The following PAPPA variants were observed in gnomAD, a reference collection of about 807,000 sequenced individuals.
PAPPA encodes pappalysin-1.
A neutral mutation model predicts 164.0 loss-of-function variants in PAPPA; 60 were observed. The observed-to-expected ratio is 0.37, with a 90% CI of 0.30 to 0.45. PAPPA has a LOEUF of 0.45. PAPPA is among the 20% of genes least tolerant of loss of function. The pLI is 1.00. For synonymous variants in PAPPA, 875 were observed against 814.1 expected (o/e 1.07, Z -1.27); for missense variants, 1,782 against 2,087.3 (o/e 0.85, Z 2.85).
At position 116,359,832 on chromosome 9, in the gene PAPPA, ATT is replaced by A. The variant is rs1846400713; in HGVS notation, c.4348-2759_4348-2758del. Among the ~76,000 whole-genome samples the A allele has an allele frequency of 2.6e-5, 4 of 152,228 alleles. 1 individual carries two copies. The highest frequency in any genetic ancestry group is 2.6e-4 in the Admixed American group (4 of 15,286). On this transcript the variant is annotated intron_variant, in intron 17 of 21. Transcript: ENST00000328252. ...AGATGGAGCTAGAAATGTCATCTGG[ATT>A]CCATTGTAGAAGCCCTGAAGTGCCA...
In PAPPA at chr9:116,382,461, G is replaced by A; in HGVS notation, c.4744G>A (p.Asp1582Asn). The change falls in exon 21 of 22, where the codon GAT (aspartate) becomes AAT (asparagine). Residue 1582 changes from aspartate (D) to asparagine (N), a missense_variant. Coordinates refer to ENST00000328252, the MANE Select transcript of PAPPA (RefSeq NM_002581.5). The part of the protein sequence containing the change: ...NRAFCNYDGG[D>N]CCTSTVKTKK... The stretch of plus-strand genomic sequence containing the variant: ...AGCCTTTTGCAACTATGACGGTGGG[G>A]ATTGCTGCACCTCCACAGTGAAGAC... 1 of 1,613,686 alleles carries A rather than the reference G, an allele frequency of 6.2e-7. No homozygotes were observed. Among genetic ancestry groups the A allele is most frequent in the Non-Finnish European group, 8.5e-7 (1 of 1,179,680 alleles).
At chr9:116,365,081 T>G (rs1846481901) in intron 18 of PAPPA, among the ~76,000 whole-genome samples, 1 of 152,108 alleles carries the variant, frequency 6.6e-6, no homozygotes, top group African/African-American at 2.4e-5. Flanking sequence ...CTCGCTTTCC[T>G]CCAAATGCGC....
intron 9 of PAPPA, among the ~76,000 whole-genome samples, chr9:116,274,097 G>T (rs1845168776): frequency 6.8e-6 from 1 of 148,118 alleles, no homozygotes; most frequent in African/African-American, 2.5e-5. Flanking sequence ...AAAAAAAAAA[G>T]ATAGCTCCTG....
At chr9:116,227,370 T>G in intron 5 of PAPPA, 61 bp from the exon 6 acceptor site, 2 of 1,583,966 alleles carry the variant, frequency 1.3e-6, no homozygotes, top group South Asian at 2.2e-5. Flanking sequence ...CCTAGTCCCA[T>G]CAGTTGCTCA....
chr9:116,298,793 C>A (rs2118883022), intron 9 of PAPPA, among the ~76,000 whole-genome samples: 1 of 152,226 alleles, frequency 6.6e-6, no homozygotes, highest in South Asian at 2.1e-4. Flanking sequence ...CTTAGTATCC[C>A]TCACAGTGAA....
chr9:116,177,765 G>A (rs1843854394), intron 1 of PAPPA, among the ~76,000 whole-genome samples: 1 of 152,170 alleles, frequency 6.6e-6, no homozygotes, highest in African/African-American at 2.4e-5. Context: ...CCCAACATCA[G>A]CCCTCCTTAG....
At chr9:116,158,009 G>A (rs1843623553) in intron 1 of PAPPA, among the ~76,000 whole-genome samples, 2 of 152,106 alleles carry the variant, frequency 1.3e-5, no homozygotes, top group Admixed American at 6.6e-5. Flanking sequence ...TGACCTGTTA[G>A]ATAAGTGAAA....
At chr9:116,157,852 C>T (rs554307609) in intron 1 of PAPPA, among the ~76,000 whole-genome samples, 5 of 152,160 alleles carry the variant, frequency 3.3e-5, no homozygotes, top group Non-Finnish European at 7.3e-5. Flanking sequence ...TTGTACCACA[C>T]CAGGCAGGAG....
chr9:116,377,612 C>T lies in PAPPA; in HGVS notation c.4642C>T (p.His1548Tyr). Reference sequence around the variant, plus strand: ...CACTGCTGGTCTCAAGTGGTATCCTCACCCTGCTCTGATTCACTGTGTCAA... The same window carrying T: ...CACTGCTGGTCTCAAGTGGTATCCTTACCCTGCTCTGATTCACTGTGTCAA... ...VCTAGLKWYP[H>Y]PALIHCVKGC... is the part of the protein sequence containing the mutation. Residue 1548 changes from histidine (H) to tyrosine (Y), a missense_variant, in exon 20 of 22, where the codon CAC becomes TAC. His to Tyr is a moderately conservative substitution (Grantham distance 83). Coordinates refer to ENST00000328252, the MANE Select transcript of PAPPA (RefSeq NM_002581.5). 1 of 1,613,920 alleles carries T rather than the reference C, an allele frequency of 6.2e-7. No individual in the cohort carries two copies. Among genetic ancestry groups the T allele is most frequent in the Non-Finnish European group, 8.5e-7 (1 of 1,179,816 alleles).
At chr9:116,372,907 G>A (rs1461829996) in intron 19 of PAPPA, among the ~76,000 whole-genome samples, 1 of 152,194 alleles carries the variant, frequency 6.6e-6, no homozygotes, top group Non-Finnish European at 1.5e-5. Context: ...GGCTCAAAGA[G>A]GTTGTCATTG....
chr9:116,298,338 T>G (rs1431130040), intron 9 of PAPPA, among the ~76,000 whole-genome samples: 1 of 152,232 alleles, frequency 6.6e-6, no homozygotes, highest in African/African-American at 2.4e-5. Context: ...GAAAAGAAAG[T>G]TTCTGGCATA....
chr9:116,225,435 T>C (rs1844494351), intron 5 of PAPPA, among the ~76,000 whole-genome samples: 1 of 152,252 alleles, frequency 6.6e-6, no homozygotes, highest in South Asian at 2.1e-4. Context: ...TCAATCATCC[T>C]ATATTCCATT....
At chr9:116,364,622 A>G (rs924976482) in intron 18 of PAPPA, among the ~76,000 whole-genome samples, 1 of 152,186 alleles carries the variant, frequency 6.6e-6, no homozygotes, top group Non-Finnish European at 1.5e-5. Flanking sequence ...GTCCCAAAAC[A>G]TATCAAACAC....
chr9:116,341,251 G>C (rs1210961233), intron 13 of PAPPA, among the ~76,000 whole-genome samples: 1 of 152,000 alleles, frequency 6.6e-6, no homozygotes, highest in Non-Finnish European at 1.5e-5. Context: ...ATGGTGGCCA[G>C]GCTGGTCTTG....
At chr9:116,171,941 A>G (rs1306278451) in intron 1 of PAPPA, among the ~76,000 whole-genome samples, 1 of 152,210 alleles carries the variant, frequency 6.6e-6, no homozygotes, top group African/African-American at 2.4e-5. Flanking sequence ...TCACATGATA[A>G]TCATGCAGCT....
chr9:116,348,575 T>G (rs2118984637), intron 15 of PAPPA, among the ~76,000 whole-genome samples: 1 of 152,236 alleles, frequency 6.6e-6, no homozygotes, highest in South Asian at 2.1e-4. Context: ...AGGTTCATTG[T>G]ACAGATTATT....
intron 7 of PAPPA, among the ~76,000 whole-genome samples, chr9:116,239,046 T>C (rs1844706755): frequency 6.6e-6 from 1 of 152,228 alleles, no homozygotes; most frequent in Admixed American, 6.5e-5. Flanking sequence ...TTTTCTTTCC[T>C]GACTCAACCC....
At chr9:116,310,473 A>G (rs1011788824) in intron 10 of PAPPA, among the ~76,000 whole-genome samples, 1 of 152,182 alleles carries the variant, frequency 6.6e-6, no homozygotes, top group Non-Finnish European at 1.5e-5. Flanking sequence ...TGGGGCACCA[A>G]AAAAATCCCT....
At chr9:116,199,328 T>C (rs183476533) in intron 2 of PAPPA, among the ~76,000 whole-genome samples, 147 of 152,338 alleles carry the variant, frequency 9.6e-4, no homozygotes, top group Middle Eastern at 6.8e-3. Context: ...GGCTTTGATA[T>C]GTAGTGTCTG....
Sources: gnomAD v4.1 joint callset for allele counts (sites outside exome capture counted in the v4.1 genomes callset) on GRCh38, gnomAD v4.1.1 for gene constraint, MANE v1.5 for transcripts, NCBI Gene and HGNC (gene_info 2026-07-23, HGNC 2026-07-21) for gene names.